ALDH18A1: variants seen among roughly 807,000 people sequenced by gnomAD.
ALDH18A1 encodes aldehyde dehydrogenase 18 family member A1, also known as delta-1-pyrroline-5-carboxylate synthase.
ALDH18A1 carries 44 observed loss-of-function variants against 88.8 expected under a neutral mutation model. The ratio of observed to expected loss-of-function variants is 0.50; its 90% confidence interval spans 0.39 to 0.64. ALDH18A1 has a LOEUF of 0.64. Ranked by LOEUF, ALDH18A1 falls within the 30% of genes least tolerant of loss-of-function variation. The pLI is 0.00. For missense variants in ALDH18A1, 782 were observed against 1,009.5 expected, an observed-to-expected ratio of 0.77 and a Z score of 3.05; for synonymous variants, 331 against 372.1, an observed-to-expected ratio of 0.89 and a Z score of 1.27.
chr10:95,625,574 C>A, intron 10 of ALDH18A1, 119 bp from the exon 11 acceptor site: 1 of 805,054 alleles, frequency 1.2e-6, no homozygotes. Context: ...CCACGGTCAT[C>A]ACCAGTTGAA....
At chr10:95,607,251 A>G (rs922440829) in intron 17 of ALDH18A1, among the ~76,000 whole-genome samples, 1 of 152,232 alleles carries the variant, frequency 6.6e-6, no homozygotes, top group Non-Finnish European at 1.5e-5. Flanking sequence ...TCTGAATTGC[A>G]TACCATATTT....
intron 3 of ALDH18A1, among the ~76,000 whole-genome samples, chr10:95,642,163 G>A (rs1322647341): frequency 6.6e-6 from 1 of 152,188 alleles, no homozygotes; most frequent in Non-Finnish European, 1.5e-5. Flanking sequence ...ATGCCTGGAT[G>A]TCTGGATTTT....
In ALDH18A1 at chr10:95,628,421, A is replaced by G; in HGVS notation, c.880T>C (p.Ser294Pro). ...CTAGACTTGGTTCCAAATGTCACAG[A>G]CTGCTGATCTCCGGGATAAAATATA... ...IDIFYPGDQQ[S>P]VTFGTKSRVG... The change falls in exon 8 of 18, where the codon TCT (serine) becomes CCT (proline). Residue 294 changes from serine (S) to proline (P), a missense_variant. By Grantham distance (74) the Ser-to-Pro change is moderately conservative. This residue lies in a region of ALDH18A1 where 556 missense variants were observed against 654.5 expected (regional missense o/e 0.85). Coordinates refer to ENST00000371224, the MANE Select transcript of ALDH18A1 (RefSeq NM_002860.4). 6.2e-7 allele frequency: 1 copy of G among 1,614,146 alleles called. No individual in the cohort carries two copies. Among genetic ancestry groups the G allele is most frequent in the Non-Finnish European group, 8.5e-7 (1 of 1,180,000 alleles).
At chr10:95,614,337 C>G (rs1481270892) in intron 13 of ALDH18A1, among the ~76,000 whole-genome samples, 176 bp from the exon 14 acceptor site, 1 of 152,192 alleles carries the variant, frequency 6.6e-6, no homozygotes, top group African/African-American at 2.4e-5. Context: ...AAAAGTTGTC[C>G]AGCAAATGCT....
At chr10:95,613,689 T>C (rs2097839704) in intron 15 of ALDH18A1, 53 bp downstream of exon 15, 14 of 1,609,802 alleles carry the variant, frequency 8.7e-6, no homozygotes, top group Non-Finnish European at 1.1e-5. Context: ...CCTGGTCTAA[T>C]TCCACAGGCT....
intron 2 of ALDH18A1, among the ~76,000 whole-genome samples, chr10:95,645,772 C>A (rs2097900351): frequency 6.6e-6 from 1 of 151,964 alleles, no homozygotes; most frequent in Non-Finnish European, 1.5e-5. Context: ...AACTGGGATT[C>A]CGATGGCATT....
chr10:95,625,008 T>C (rs762027172), intron 11 of ALDH18A1, among the ~76,000 whole-genome samples: 2 of 152,200 alleles, frequency 1.3e-5, no homozygotes, highest in Non-Finnish European at 2.9e-5. Flanking sequence ...CCTGACTGCA[T>C]AGCCATTAGC....
intron 11 of ALDH18A1, among the ~76,000 whole-genome samples, chr10:95,623,943 C>T (rs547580324): frequency 1.3e-5 from 2 of 151,906 alleles, no homozygotes; most frequent in African/African-American, 4.8e-5. Flanking sequence ...TCAGCTGATC[C>T]GCCCACCTTG....
chr10:95,628,628 AG>A (rs1435446636), intron 7 of ALDH18A1, 136 bp from the exon 8 acceptor site: 1 of 1,030,166 alleles, frequency 9.7e-7, no homozygotes, highest in Non-Finnish European at 1.4e-6. Context: ...TGCTTTAACC[AG>A]AAAAAGAGAA....
At position 95,613,837 on chromosome 10, in the gene ALDH18A1, C is replaced by G. The variant is rs1473288041; in HGVS notation, c.1828G>C (p.Ala610Pro). 6.2e-7 allele frequency: 1 copy of G among 1,614,030 alleles called. No homozygotes were observed. Among genetic ancestry groups the G allele is most frequent in the African/African-American group, 1.3e-5 (1 of 74,920 alleles). The change falls in exon 15 of 18, where the codon GCT (alanine) becomes CCT (proline). Residue 610 changes from alanine to proline, a missense_variant. Ala to Pro is a conservative substitution (Grantham distance 27). Transcript: ENST00000371224. Reference protein sequence around the residue: ...LVRDSKCEYPAACNALETLLI... With the variant: ...LVRDSKCEYPPACNALETLLI... ...AAAGTCTCCAAAGCATTACAGGCAGCTGGATATTCACATTTAGAGTCTCTG... is the reference window on the plus strand; with the variant it reads ...AAAGTCTCCAAAGCATTACAGGCAGGTGGATATTCACATTTAGAGTCTCTG...
At chr10:95,617,045 G>A (rs181460053) in intron 12 of ALDH18A1, among the ~76,000 whole-genome samples, 3 of 152,170 alleles carry the variant, frequency 2.0e-5, no homozygotes, top group South Asian at 2.1e-4. Context: ...TCAGGAGTTC[G>A]ATACCAGCCT....
rs770655744 is a variant in ALDH18A1 at position 95,606,905 on chromosome 10, G to A, written c.2245C>T (p.Arg749Trp). The A allele has an allele frequency of 5.0e-6, 8 of 1,613,984 alleles. No individual in the cohort carries two copies. The highest frequency in any genetic ancestry group is 1.7e-5 in the Admixed American group (1 of 59,992). Reference protein sequence around the residue: ...VGISTSRIHARGPVGLEGLLT... With the variant: ...VGISTSRIHAWGPVGLEGLLT... ...AGTCCCTCAAGTCCTACTGGTCCCC[G>A]GGCGTGGATTCTCGATGTACTGATT... The change falls in exon 18 of 18, where the codon CGG (arginine) becomes TGG (tryptophan). Residue 749 changes from arginine (R) to tryptophan (W), a missense_variant. Arg to Trp is a moderately radical substitution (Grantham distance 101). Coordinates refer to ENST00000371224, the MANE Select transcript of ALDH18A1 (RefSeq NM_002860.4).
At chr10:95,639,271 A>G (rs1013896280) in intron 3 of ALDH18A1, among the ~76,000 whole-genome samples, 2 of 152,182 alleles carry the variant, frequency 1.3e-5, no homozygotes, top group African/African-American at 4.8e-5. Context: ...TCAGGGCTGC[A>G]GTGAACTATG....
At chr10:95,647,199 T>C (rs141089727) in intron 2 of ALDH18A1, among the ~76,000 whole-genome samples, 1 of 152,164 alleles carries the variant, frequency 6.6e-6, no homozygotes, top group African/African-American at 2.4e-5. Flanking sequence ...TGAGGATAAG[T>C]ATCAATAAAA....
chr10:95,626,904 G>T, intron 9 of ALDH18A1, 128 bp from the exon 10 acceptor site: 1 of 922,410 alleles, frequency 1.1e-6, no homozygotes, highest in Non-Finnish European at 1.7e-6. Context: ...ATGATGTCTT[G>T]GTATGCTTGT....
At chr10:95,618,368 T>C (rs2097847248) in intron 12 of ALDH18A1, among the ~76,000 whole-genome samples, 2 of 152,224 alleles carry the variant, frequency 1.3e-5, no homozygotes, top group South Asian at 4.1e-4. Context: ...GTTGCAAGGC[T>C]GGAATGCAGT....
At chr10:95,648,047 A>G (rs1016477853) in intron 2 of ALDH18A1, among the ~76,000 whole-genome samples, 1 of 152,192 alleles carries the variant, frequency 6.6e-6, no homozygotes, top group African/African-American at 2.4e-5. Context: ...TCAAGCCCAA[A>G]GAGGGTACTG....
chr10:95,631,998 G>A (rs2097870921), intron 7 of ALDH18A1, among the ~76,000 whole-genome samples: 1 of 152,238 alleles, frequency 6.6e-6, no homozygotes, highest in East Asian at 1.9e-4. Flanking sequence ...TAGATGAACT[G>A]ATAAATAAAA....
At chr10:95,622,216 G>A (rs1316365648) in intron 11 of ALDH18A1, among the ~76,000 whole-genome samples, 1 of 151,900 alleles carries the variant, frequency 6.6e-6, no homozygotes, top group Non-Finnish European at 1.5e-5. Flanking sequence ...TTTTCTTTTA[G>A]AGACAGGGTC....
Sources: gnomAD v4.1 joint callset for allele counts (sites outside exome capture counted in the v4.1 genomes callset) on GRCh38, gnomAD v4.1.1 for gene constraint, gnomAD v4.1.1 regional missense constraint, MANE v1.5 for transcripts, NCBI Gene and HGNC (gene_info 2026-07-23, HGNC 2026-07-21) for gene names.